Variants in RAD51B observed in about 807,000 individuals in gnomAD.
RAD51B encodes the protein DNA repair protein RAD51 homolog 2.
RAD51B carries 38 observed loss-of-function variants against 42.2 expected under a neutral mutation model. That is an observed-to-expected ratio of 0.90 (90% CI 0.70 to 1.18). The LOEUF (loss-of-function observed/expected upper bound fraction) is 1.18. Ranked by LOEUF, RAD51B falls within the 50% of genes most tolerant of loss-of-function variation. The probability of loss-of-function intolerance (pLI) is 0.00; values close to 1 mark genes in which losing one functional copy is unlikely to be tolerated. For missense variants in RAD51B, 373 were observed against 400.7 expected (o/e 0.93, Z 0.59); for synonymous variants, 154 against 145.2 (o/e 1.06, Z -0.43).
At chr14:67,863,910 G>C (rs771982775) in intron 4 of RAD51B, among the ~76,000 whole-genome samples, 7 of 152,110 alleles carry the variant, frequency 4.6e-5, no homozygotes, top group Non-Finnish European at 1.0e-4. Context: ...GGCATGGTTG[G>C]GAGGCCTCAG....
At chr14:68,084,831 G>A (rs1218416522) in intron 7 of RAD51B, among the ~76,000 whole-genome samples, 1 of 152,102 alleles carries the variant, frequency 6.6e-6, no homozygotes, top group African/African-American at 2.4e-5. Context: ...GCTGCTGTGT[G>A]TGTCTTATGG....
chr14:68,539,397 A>G (rs1327624483), intron 10 of RAD51B, among the ~76,000 whole-genome samples: 4 of 152,052 alleles, frequency 2.6e-5, no homozygotes, highest in East Asian at 1.9e-4. Flanking sequence ...CTTGCCTCCA[A>G]GTCGCCAGCA....
intron 7 of RAD51B, among the ~76,000 whole-genome samples, chr14:68,057,582 C>T (rs1385545343): frequency 6.6e-6 from 1 of 152,006 alleles, no homozygotes; most frequent in Non-Finnish European, 1.5e-5. Flanking sequence ...CATTTGTAAA[C>T]ATTTGAAAGA....
intron 7 of RAD51B, among the ~76,000 whole-genome samples, chr14:68,192,375 G>A (rs1230605833): frequency 6.6e-6 from 1 of 152,078 alleles, no homozygotes; most frequent in Non-Finnish European, 1.5e-5. Flanking sequence ...AGTTTATATT[G>A]CCTTGCAAAA....
At chr14:68,090,111 G>A (rs2077064618) in intron 7 of RAD51B, among the ~76,000 whole-genome samples, 1 of 152,172 alleles carries the variant, frequency 6.6e-6, no homozygotes, top group Non-Finnish European at 1.5e-5. Flanking sequence ...AGCCATGTGT[G>A]TGCATGTGAA....
chr14:68,602,546 A>G (rs569402909), intron 10 of RAD51B, among the ~76,000 whole-genome samples: 1 of 151,990 alleles, frequency 6.6e-6, no homozygotes, highest in Non-Finnish European at 1.5e-5. Flanking sequence ...AGATAGATAG[A>G]TAATACATGA....
At chr14:68,198,914 C>T (rs1230661304) in intron 7 of RAD51B, among the ~76,000 whole-genome samples, 1 of 152,126 alleles carries the variant, frequency 6.6e-6, no homozygotes, top group Non-Finnish European at 1.5e-5. Context: ...CATTTGGGGA[C>T]AGTTTGAATT....
chr14:67,886,766 GT>G (rs1301401346), intron 6 of RAD51B: 2 of 304,030 alleles, frequency 6.6e-6, no homozygotes, highest in African/African-American at 4.3e-5. Flanking sequence ...ACCACAAGTA[GT>G]TTTACCCCAG....
chr14:67,885,746 T>G, intron 5 of RAD51B, 123 bp from the exon 6 acceptor site: 1 of 1,273,600 alleles, frequency 7.9e-7, no homozygotes, highest in African/African-American at 1.5e-5. Flanking sequence ...TTAAGCCATT[T>G]TGCTTATACC....
intron 10 of RAD51B, among the ~76,000 whole-genome samples, chr14:68,510,894 T>C (rs1419381473): frequency 1.3e-5 from 2 of 152,210 alleles, no homozygotes; most frequent in Non-Finnish European, 2.9e-5. Context: ...AACCATGGCT[T>C]CCTTGAGGGA....
intron 10 of RAD51B, among the ~76,000 whole-genome samples, chr14:68,642,342 C>A (rs1186877783): frequency 6.6e-6 from 1 of 152,096 alleles, no homozygotes; most frequent in African/African-American, 2.4e-5. Context: ...CAGATTGTAT[C>A]CTTTAAGGAA....
intron 7 of RAD51B, among the ~76,000 whole-genome samples, chr14:68,233,441 A>G (rs1302220003): frequency 6.6e-6 from 1 of 152,190 alleles, no homozygotes; most frequent in Non-Finnish European, 1.5e-5. Flanking sequence ...TTCTGTTTGT[A>G]TATTTAGGTC....
intron 7 of RAD51B, among the ~76,000 whole-genome samples, chr14:68,078,004 T>G (rs541565243): frequency 1.3e-3 from 203 of 152,210 alleles, no homozygotes; most frequent in African/African-American, 4.8e-3. Flanking sequence ...GTACATAAGG[T>G]GGAAGGTAAA....
chr14:68,265,676 C>G (rs1020058119), intron 7 of RAD51B, among the ~76,000 whole-genome samples: 2 of 152,122 alleles, frequency 1.3e-5, no homozygotes, highest in African/African-American at 4.8e-5. Flanking sequence ...CACTTGAACC[C>G]AGGAGGCGGA....
chr14:68,680,438 T>A (rs926892758), intron 11 of RAD51B, among the ~76,000 whole-genome samples: 3 of 152,252 alleles, frequency 2.0e-5, no homozygotes, highest in Admixed American at 2.0e-4. Flanking sequence ...GTTGTTAGTA[T>A]TTATTACCTT....
intron 7 of RAD51B, among the ~76,000 whole-genome samples, chr14:68,246,510 G>C (rs2141012320): frequency 6.6e-6 from 1 of 152,262 alleles, no homozygotes; most frequent in East Asian, 1.9e-4. Context: ...GCTTCCATGT[G>C]GGAAGAAGGG....
At chr14:67,978,862 A>G (rs1263155947) in intron 7 of RAD51B, among the ~76,000 whole-genome samples, 3 of 152,206 alleles carry the variant, frequency 2.0e-5, no homozygotes, top group Non-Finnish European at 4.4e-5. Context: ...AAAGATGAGC[A>G]TTTCCTTCTG....
intron 7 of RAD51B, among the ~76,000 whole-genome samples, chr14:68,025,735 T>C (rs2075944681): frequency 6.6e-6 from 1 of 151,962 alleles, no homozygotes; most frequent in Non-Finnish European, 1.5e-5. Flanking sequence ...CTTTGTTATT[T>C]GTTTACTAAT....
Position 67,865,157 on chromosome 14 carries a change from C to G in RAD51B, c.452+18C>G. ...GCTGAAAGGTATGAGATTTTATTTTCTATTATAATGTTTTACTTTTGTAAC... is the reference window on the plus strand; with the variant it reads ...GCTGAAAGGTATGAGATTTTATTTTGTATTATAATGTTTTACTTTTGTAAC... On this transcript the variant is annotated intron_variant, in intron 5 of 10. Transcript: ENST00000471583. 6.4e-7 allele frequency: 1 copy of G among 1,573,606 alleles called. No individual in the cohort carries two copies. The highest frequency in any genetic ancestry group is 8.6e-7 in the Non-Finnish European group (1 of 1,161,266).
Sources: gnomAD v4.1 joint callset for allele counts (sites outside exome capture counted in the v4.1 genomes callset) on GRCh38, gnomAD v4.1.1 for gene constraint, MANE v1.5 for transcripts, NCBI Gene and HGNC (gene_info 2026-07-23, HGNC 2026-07-21) for gene names.